The following CSGALNACT1 variants were observed in gnomAD, a reference collection of about 807,000 sequenced individuals.
The protein encoded by CSGALNACT1 is beta4GalNAcT-1.
In CSGALNACT1, 52 loss-of-function variants were observed where a neutral mutation model predicts 51.0. The observed-to-expected ratio is 1.02, with a 90% confidence interval of 0.82 to 1.29. The LOEUF (loss-of-function observed/expected upper bound fraction) is 1.29. Ranked by LOEUF, CSGALNACT1 falls within the 50% of genes most tolerant of loss-of-function variation. The probability of loss-of-function intolerance (pLI) is 0.00; values close to 1 mark genes in which losing one functional copy is unlikely to be tolerated. For missense variants in CSGALNACT1, 935 were observed against 679.2 expected (o/e 1.38, Z -4.19); for synonymous variants, 341 against 254.4 (o/e 1.34, Z -3.24).
At chr8:19,723,500 G>T (rs1461213346) in intron 1 of CSGALNACT1, among the ~76,000 whole-genome samples, 6 of 152,138 alleles carry the variant, frequency 3.9e-5, no homozygotes, top group Admixed American at 1.3e-4. Context: ...TTTGTTAGTT[G>T]TCAGGATATC....
chr8:19,551,470 G>C (rs1006651492), intron 3 of CSGALNACT1, among the ~76,000 whole-genome samples: 1 of 152,216 alleles, frequency 6.6e-6, no homozygotes, highest in African/African-American at 2.4e-5. Context: ...GGCAAAGTCA[G>C]TAGGGTGAGA....
At chr8:19,405,732 A>G in exon 10 of CSGALNACT1, 1 of 1,610,168 alleles carries the variant, frequency 6.2e-7, no homozygotes, top group Non-Finnish European at 8.5e-7. Context: ...ACTTTCAGTA[A>G]TTGCAAAAGG....
At chr8:19,586,687 A>C (rs1259223146) in intron 3 of CSGALNACT1, among the ~76,000 whole-genome samples, 1 of 152,168 alleles carries the variant, frequency 6.6e-6, no homozygotes, top group Admixed American at 6.5e-5. Flanking sequence ...TTTTCCCAAA[A>C]TGCAGTACTT....
At chr8:19,511,432 CAT>C (rs2078446718) in intron 3 of CSGALNACT1, among the ~76,000 whole-genome samples, 1 of 152,214 alleles carries the variant, frequency 6.6e-6, no homozygotes, top group Non-Finnish European at 1.5e-5. Context: ...AAACTCAAGT[CAT>C]ATCTCTCGGA....
chr8:19,659,347 G>C (rs541555721), intron 1 of CSGALNACT1, among the ~76,000 whole-genome samples: 97 of 152,272 alleles, frequency 6.4e-4, no homozygotes, highest in African/African-American at 2.3e-3. Flanking sequence ...AACTATGTCA[G>C]ATTCTTACTT....
chr8:19,649,818 G>GAAAAAAAAAA (rs1564347327), intron 1 of CSGALNACT1, among the ~76,000 whole-genome samples: 4 of 1,558 alleles, frequency 2.6e-3, no homozygotes, highest in African/African-American at 6.4e-3. Flanking sequence ...ATTCCAAGTA[G>GAAAAAAAAAA]CAAAAAAAAA....
intron 1 of CSGALNACT1, among the ~76,000 whole-genome samples, chr8:19,735,020 C>A (rs548017380): frequency 6.6e-5 from 10 of 152,044 alleles, no homozygotes; most frequent in Non-Finnish European, 7.4e-5. Flanking sequence ...TGGTAGTGAG[C>A]CACTTAGAAG....
Position 19,757,564 on chromosome 8 carries a change from C to T in CSGALNACT1, c.-297+286G>A, listed in dbSNP as rs531802174. Among the ~76,000 whole-genome samples, 2 of 152,244 alleles carry T rather than the reference C, an allele frequency of 1.3e-5. No homozygotes were observed. Among genetic ancestry groups the T allele is most frequent in the Non-Finnish European group, 2.9e-5 (2 of 67,998 alleles). ...GCGCTCGGACACCAGGGGCGGTTTA[C>T]GCGTGACTGGACACCAAGAGCCGGA... On this transcript the variant is annotated intron_variant, in intron 1 of 1. Coordinates refer to the CSGALNACT1 transcript ENST00000517494. The surrounding 1 kb of genome is among the most constrained non-coding windows in gnomAD (Gnocchi z 4.0).
intron 4 of CSGALNACT1, among the ~76,000 whole-genome samples, chr8:19,461,111 C>T (rs116061909): frequency 2.0e-3 from 310 of 152,314 alleles, no homozygotes; most frequent in African/African-American, 6.9e-3. Flanking sequence ...TGCTTGACTG[C>T]CCTCAAAGTC....
At chr8:19,607,134 G>A (rs772626704), upstream of CSGALNACT1, among the ~76,000 whole-genome samples, 93 of 149,888 alleles carry the variant, frequency 6.2e-4, 1 homozygote, top group Non-Finnish European at 1.0e-3. Context: ...CAGCCTGGGC[G>A]ACAGAGCAAG....
At chr8:19,639,442 AGGAAGAAGCC>A (rs1447239426) in intron 1 of CSGALNACT1, among the ~76,000 whole-genome samples, 1 of 152,244 alleles carries the variant, frequency 6.6e-6, no homozygotes, top group Non-Finnish European at 1.5e-5. Context: ...AACCACTGCC[AGGAAGAAGCC>A]AAAGAGTTGC....
intron 1 of CSGALNACT1, among the ~76,000 whole-genome samples, chr8:19,663,490 G>A (rs950303041): frequency 2.6e-4 from 40 of 151,946 alleles, no homozygotes; most frequent in African/African-American, 9.7e-4. Flanking sequence ...CCCCTAGCAC[G>A]AGAGGTTCCT....
At chr8:19,649,400 C>T (rs759316783) in intron 1 of CSGALNACT1, among the ~76,000 whole-genome samples, 26 of 152,076 alleles carry the variant, frequency 1.7e-4, no homozygotes, top group Admixed American at 3.9e-4. Flanking sequence ...TATACATGAG[C>T]GTGATCTGTG....
chr8:19,502,966 A>T (rs1482324472), intron 4 of CSGALNACT1, among the ~76,000 whole-genome samples: 1 of 37,040 alleles, frequency 2.7e-5, no homozygotes, highest in Admixed American at 5.5e-4. Flanking sequence ...CTTTGTTCTG[A>T]AACATCACTA....
At chr8:19,486,219 T>C (rs1379937632) in intron 4 of CSGALNACT1, among the ~76,000 whole-genome samples, 1 of 152,106 alleles carries the variant, frequency 6.6e-6, no homozygotes, top group Non-Finnish European at 1.5e-5. Context: ...GCCTTGATGA[T>C]TGGTGACAAG....
At chr8:19,499,547 CCACAA>C (rs2076059622) in intron 4 of CSGALNACT1, among the ~76,000 whole-genome samples, 1 of 152,194 alleles carries the variant, frequency 6.6e-6, no homozygotes, top group Admixed American at 6.5e-5. Context: ...AGCAAAATCA[CCACAA>C]CACAAGGCCT....
intron 4 of CSGALNACT1, among the ~76,000 whole-genome samples, chr8:19,459,159 G>A (rs1372608967): frequency 2.0e-5 from 3 of 152,064 alleles, no homozygotes; most frequent in African/African-American, 7.2e-5. Flanking sequence ...ACTGAGGTGG[G>A]CATATCACCT....
At chr8:19,425,246 C>T (rs1165666067) in intron 6 of CSGALNACT1, among the ~76,000 whole-genome samples, 1 of 152,138 alleles carries the variant, frequency 6.6e-6, no homozygotes, top group African/African-American at 2.4e-5. Flanking sequence ...GAGGCTGAGG[C>T]AGGAGAATCG....
At chr8:19,474,880 A>AAAAAG (rs1563607219) in intron 4 of CSGALNACT1, among the ~76,000 whole-genome samples, 1 of 150,630 alleles carries the variant, frequency 6.6e-6, no homozygotes, top group African/African-American at 2.4e-5. Flanking sequence ...AAAAAAAAAA[A>AAAAAG]AAAAAAGAAA....
Sources: allele counts gnomAD v4.1 joint callset (sites outside exome capture counted in the v4.1 genomes callset), GRCh38; gene constraint gnomAD v4.1.1; non-coding constraint Gnocchi (gnomAD v3.1); transcripts MANE v1.5; gene names NCBI Gene and HGNC (gene_info 2026-07-23, HGNC 2026-07-21).